CUX1: variants seen among roughly 807,000 people sequenced by gnomAD.
The protein encoded by CUX1 is cut like homeobox 1, also known as protein CASP.
CUX1 carries 31 observed loss-of-function variants against 158.8 expected under a neutral mutation model. The ratio of observed to expected loss-of-function variants is 0.20; its 90% CI spans 0.15 to 0.26. The LOEUF (loss-of-function observed/expected upper bound fraction) is 0.26, where lower values mean the gene tolerates loss of function less well. Ranked by LOEUF, CUX1 falls within the 10% of genes least tolerant of loss-of-function variation. The pLI is 1.00. For synonymous variants in CUX1, 879 were observed against 862.1 expected (o/e 1.02, Z -0.34); for missense variants, 1,589 against 2,014.6 (o/e 0.79, Z 4.04).
At chr7:101,850,028 A>G (rs1233395884) in intron 1 of CUX1, among the ~76,000 whole-genome samples, 3 of 144,162 alleles carry the variant, frequency 2.1e-5, no homozygotes, top group African/African-American at 5.2e-5. Context: ...GGTTCAAGCT[A>G]TTCTTCTGCC....
In CUX1 at chr7:102,257,712, C is replaced by T. The variant is rs1790047412; in HGVS notation, c.*8670C>T. 1.0e-6 allele frequency: 1 copy of T among 985,182 alleles called. No homozygotes were observed. Among genetic ancestry groups the T allele is most frequent in the African/African-American group, 1.8e-5 (1 of 57,130 alleles). The allele number at this position is 985,182 out of a possible 1,614,324, so 61.0% of individuals were successfully genotyped here. ...CTCTCTATAAGCTCAGCTCCCCCCA[C>T]CCCACCCCCACTCTAGCGTTTTGTC... On this transcript the variant is annotated 3_prime_UTR_variant, in exon 24 of 24. Coordinates refer to ENST00000292535, the MANE Select transcript of CUX1 (RefSeq NM_181552.4).
Position 101,821,671 on chromosome 7 carries a change from C to CTTTTTTTTTTTT in CUX1, c.30+4017_30+4028dup, listed in dbSNP as rs58793343. On this transcript the variant is annotated intron_variant, in intron 1 of 23. Transcript: ENST00000292535. The stretch of plus-strand genomic sequence containing the variant: ...CTTTTCTTTTCTTTTTTTCTTTTTT[C>CTTTTTTTTTTTT]TTTTTTTTTTTTTTTTTTTTTTTTT... Among the ~76,000 whole-genome samples the CTTTTTTTTTTTT allele has an allele frequency of 3.9e-3, 202 of 51,308 alleles. 28 individuals are homozygous for CTTTTTTTTTTTT. Among genetic ancestry groups the CTTTTTTTTTTTT allele is most frequent in the African/African-American group, 1.0e-2 (123 of 12,342 alleles). The allele number at this position is 51,308 out of a possible 152,430, so 33.7% of individuals were successfully genotyped here. A position where few individuals can be genotyped will look rare whatever the true frequency, so the allele number is the denominator to read the frequency against.
chr7:101,887,938 C>G (rs1381920256), intron 1 of CUX1, among the ~76,000 whole-genome samples: 1 of 151,652 alleles, frequency 6.6e-6, no homozygotes, highest in Non-Finnish European at 1.5e-5. Context: ...CTCTGCGTGC[C>G]CACTCCAGGA....
At chr7:102,243,492 C>T (rs1245215747) in intron 23 of CUX1, among the ~76,000 whole-genome samples, 1 of 151,656 alleles carries the variant, frequency 6.6e-6, no homozygotes, top group Non-Finnish European at 1.5e-5. Context: ...TTATAAGCAA[C>T]GAAACAGGTG....
intron 3 of CUX1, among the ~76,000 whole-genome samples, chr7:102,045,138 C>CCGTCGGA (rs1822587187): frequency 1.3e-5 from 2 of 152,188 alleles, no homozygotes. Context: ...AATTAGGGAC[C>CCGTCGGA]CGTCGGACTG....
chr7:102,030,592 A>T (rs546928331), intron 3 of CUX1, among the ~76,000 whole-genome samples: 3 of 151,796 alleles, frequency 2.0e-5, no homozygotes, highest in African/African-American at 7.3e-5. Context: ...AATTATCCCC[A>T]AGATGTCTTT....
chr7:101,845,962 T>G (rs1795647917), intron 1 of CUX1, among the ~76,000 whole-genome samples: 1 of 151,710 alleles, frequency 6.6e-6, no homozygotes, highest in Admixed American at 6.6e-5. Flanking sequence ...GAGCCGAGAT[T>G]GCACCACTGC....
intron 16 of CUX1, among the ~76,000 whole-genome samples, 170 bp from the exon 17 acceptor site, chr7:102,199,901 G>A (rs1315912499): frequency 6.6e-6 from 1 of 152,242 alleles, no homozygotes; most frequent in Non-Finnish European, 1.5e-5. Context: ...CCTGCCCGGT[G>A]TCGCTGTGAA....
intron 2 of CUX1, among the ~76,000 whole-genome samples, chr7:102,017,390 A>G (rs1818748964): frequency 1.3e-5 from 2 of 151,864 alleles, no homozygotes; most frequent in South Asian, 4.2e-4. Flanking sequence ...CGAACCTAGC[A>G]CCATCCTTTG....
intron 1 of CUX1, among the ~76,000 whole-genome samples, chr7:101,827,303 C>A (rs1480506402): frequency 6.6e-6 from 1 of 150,482 alleles, no homozygotes; most frequent in Non-Finnish European, 1.5e-5. Flanking sequence ...CTTTTCTTTT[C>A]TTTTCCTTTC....
At chr7:102,021,342 T>A (rs1328858643) in intron 2 of CUX1, among the ~76,000 whole-genome samples, 1 of 152,122 alleles carries the variant, frequency 6.6e-6, no homozygotes, top group Non-Finnish European at 1.5e-5. Context: ...AGGGTCTTGC[T>A]CTGTCACCCA....
At chr7:101,817,224 C>T (rs111936998), upstream of CUX1, 3 of 984,604 alleles carry the variant, frequency 3.0e-6, no homozygotes, top group South Asian at 4.7e-5. This position sits in a 1 kb window ranked among gnomAD's most constrained non-coding sequence, Gnocchi z 4.1. Flanking sequence ...TCCCCGCCGC[C>T]GGTCCGAGCC....
At chr7:101,836,404 A>G (rs1794633975) in intron 1 of CUX1, among the ~76,000 whole-genome samples, 1 of 152,010 alleles carries the variant, frequency 6.6e-6, no homozygotes. Context: ...GTGAGACCCC[A>G]TCTCTACAAA....
At chr7:101,899,216 A>G (rs991698090) in intron 1 of CUX1, among the ~76,000 whole-genome samples, 1 of 152,184 alleles carries the variant, frequency 6.6e-6, no homozygotes, top group Non-Finnish European at 1.5e-5. Context: ...TTGCCCTTCA[A>G]ACCAGATCAC....
intron 6 of CUX1, among the ~76,000 whole-genome samples, chr7:102,106,575 C>A (rs1486414086): frequency 3.9e-5 from 6 of 152,170 alleles, no homozygotes; most frequent in Non-Finnish European, 7.4e-5. Flanking sequence ...AGTTACCACC[C>A]CTTTCCACAG....
At chr7:102,120,976 T>A (rs1232433716) in intron 8 of CUX1, among the ~76,000 whole-genome samples, 3 of 152,154 alleles carry the variant, frequency 2.0e-5, no homozygotes, top group African/African-American at 7.2e-5. Context: ...GTTGGAAGGT[T>A]CGCTTGAGCC....
intron 1 of CUX1, among the ~76,000 whole-genome samples, chr7:101,871,909 T>C (rs1210121355): frequency 6.6e-6 from 1 of 151,704 alleles, no homozygotes; most frequent in East Asian, 2.0e-4. Flanking sequence ...TCCCAGCTAC[T>C]TGGGAGGCTG....
At chr7:102,072,771 A>G (rs1041827307) in intron 4 of CUX1, among the ~76,000 whole-genome samples, 22 of 152,186 alleles carry the variant, frequency 1.4e-4, no homozygotes, top group Non-Finnish European at 2.8e-4. Flanking sequence ...GGGCATCAGC[A>G]GCCTGGCGGG....
intron 4 of CUX1, among the ~76,000 whole-genome samples, chr7:102,074,273 A>G (rs1317070678): frequency 6.6e-6 from 1 of 152,184 alleles, no homozygotes; most frequent in Non-Finnish European, 1.5e-5. Context: ...TGTCACAGGA[A>G]AAGGGAGGAA....
Sources: gnomAD v4.1 joint callset for allele counts (sites outside exome capture counted in the v4.1 genomes callset) on GRCh38, gnomAD v4.1.1 for gene constraint, Gnocchi (gnomAD v3.1) non-coding constraint, MANE v1.5 for transcripts, NCBI Gene and HGNC (gene_info 2026-07-23, HGNC 2026-07-21) for gene names.